Variants in SLC2A9 observed in about 807,000 individuals in gnomAD.
SLC2A9 encodes the protein solute carrier family 2 member 9.
In SLC2A9, 39 loss-of-function variants were observed where a neutral mutation model predicts 50.6. The observed-to-expected ratio is 0.77, with a 90% CI of 0.60 to 1.01. SLC2A9 has a LOEUF of 1.01. Ranked by LOEUF, SLC2A9 falls within the 50% of genes least tolerant of loss-of-function variation. SLC2A9 has a pLI of 0.00. For synonymous variants in SLC2A9, 324 were observed against 276.9 expected (o/e 1.17, Z -1.69); for missense variants, 686 against 677.6 (o/e 1.01, Z -0.14).
At chr4:9,945,405 G>C (rs1463920928) in intron 5 of SLC2A9, among the ~76,000 whole-genome samples, 2 of 152,222 alleles carry the variant, frequency 1.3e-5, no homozygotes, top group Non-Finnish European at 2.9e-5. Context: ...CAACAGGAAA[G>C]AGTGGCTTTT....
chr4:9,794,557 C>A (rs564129873), downstream of SLC2A9, among the ~76,000 whole-genome samples: 9 of 152,358 alleles, frequency 5.9e-5, no homozygotes, highest in African/African-American at 2.2e-4. Flanking sequence ...CAGGGTCACA[C>A]AGCTAAGAAG....
intron 2 of SLC2A9, among the ~76,000 whole-genome samples, chr4:10,016,869 A>G (rs941449017): frequency 6.6e-6 from 1 of 151,174 alleles, no homozygotes. Context: ...CTAAAATCCT[A>G]CTCCTCAGCC....
chr4:9,785,835 C>T (rs753620622), intron 3 of SLC2A9, among the ~76,000 whole-genome samples: 1 of 152,132 alleles, frequency 6.6e-6, no homozygotes, highest in Non-Finnish European at 1.5e-5. Context: ...CTGTACTGAC[C>T]AGGATAGATA....
chr4:9,919,030 G>T (rs1306345536), intron 7 of SLC2A9, among the ~76,000 whole-genome samples: 1 of 152,186 alleles, frequency 6.6e-6, no homozygotes, highest in African/African-American at 2.4e-5. Flanking sequence ...TCCCTGTGGA[G>T]AATTGAATTC....
chr4:9,932,232 T>C (rs1250828794), intron 6 of SLC2A9, among the ~76,000 whole-genome samples: 1 of 151,902 alleles, frequency 6.6e-6, no homozygotes, highest in Non-Finnish European at 1.5e-5. Flanking sequence ...CCTCCAAGAA[T>C]GTACTACAGA....
At chr4:9,781,251 A>G (rs1718315810) in intron 3 of SLC2A9, among the ~76,000 whole-genome samples, 1 of 152,216 alleles carries the variant, frequency 6.6e-6, no homozygotes, top group Non-Finnish European at 1.5e-5. Context: ...AAAGTCGCAG[A>G]GCCAGGAATA....
At chr4:10,001,269 G>A (rs759411318) in intron 2 of SLC2A9, among the ~76,000 whole-genome samples, 17 of 152,110 alleles carry the variant, frequency 1.1e-4, no homozygotes, top group Admixed American at 3.9e-4. Flanking sequence ...TTAAAATGAG[G>A]TCACTAGAGT....
intron 8 of SLC2A9, among the ~76,000 whole-genome samples, chr4:9,904,278 G>A (rs1227226978): frequency 6.6e-6 from 1 of 152,180 alleles, no homozygotes; most frequent in Non-Finnish European, 1.5e-5. Context: ...TGCAGGGCTG[G>A]TTCCTTCTGG....
chr4:9,920,951 A>G (rs970767954), intron 6 of SLC2A9, among the ~76,000 whole-genome samples: 2 of 152,168 alleles, frequency 1.3e-5, no homozygotes, highest in African/African-American at 4.8e-5. Context: ...TAATTGCATG[A>G]TATCATATAC....
chr4:9,855,336 A>T (rs998699647), intron 10 of SLC2A9, among the ~76,000 whole-genome samples: 17 of 152,202 alleles, frequency 1.1e-4, no homozygotes, highest in African/African-American at 3.9e-4. Context: ...TGAGCACAAG[A>T]TCAAGAATTC....
intron 2 of SLC2A9, among the ~76,000 whole-genome samples, chr4:10,003,565 T>C (rs902416455): frequency 2.6e-5 from 4 of 152,192 alleles, no homozygotes; most frequent in African/African-American, 7.2e-5. Flanking sequence ...CCGAAAGCTG[T>C]TTGCCCCAAT....
At chr4:9,928,600 G>T (rs1745330004) in intron 6 of SLC2A9, among the ~76,000 whole-genome samples, 1 of 152,176 alleles carries the variant, frequency 6.6e-6, no homozygotes, top group African/African-American at 2.4e-5. Context: ...TGGGCGTGGT[G>T]GCGGGTGCCT....
intron 1 of SLC2A9, among the ~76,000 whole-genome samples, chr4:10,038,584 A>G (rs1322915178): frequency 1.3e-5 from 2 of 151,818 alleles, no homozygotes; most frequent in African/African-American, 2.4e-5. Flanking sequence ...GTGTTCCTCT[A>G]TCACTTGGAT....
At chr4:9,897,306 T>C (rs1429423072) in intron 8 of SLC2A9, among the ~76,000 whole-genome samples, 2 of 152,160 alleles carry the variant, frequency 1.3e-5, no homozygotes, top group Non-Finnish European at 2.9e-5. Context: ...CCAACAGCAC[T>C]GGCACTGGGG....
At chr4:9,877,460 C>G (rs1038594920) in intron 10 of SLC2A9, among the ~76,000 whole-genome samples, 1 of 152,222 alleles carries the variant, frequency 6.6e-6, no homozygotes, top group Non-Finnish European at 1.5e-5. Flanking sequence ...CTTTTGAGAT[C>G]ATGGATTCAA....
downstream of SLC2A9, chr4:9,826,160 T>A: frequency 1.9e-6 from 1 of 536,178 alleles, no homozygotes; most frequent in Non-Finnish European, 3.3e-6. Flanking sequence ...ATAGAGTGAT[T>A]CCTTGCAGCT....
chr4:9,953,219 G>A lies in SLC2A9; in HGVS notation c.682-11174C>T, dbSNP rs181357605. Reference sequence around the variant, plus strand: ...TGTTTTCCAAATACCCACTGAACCCGCTATGCCTCTTGGCCATGGGTAGGA... The same window carrying A: ...TGTTTTCCAAATACCCACTGAACCCACTATGCCTCTTGGCCATGGGTAGGA... On this transcript the variant is annotated intron_variant, in intron 5 of 11. Coordinates refer to ENST00000264784, the MANE Select transcript of SLC2A9 (RefSeq NM_020041.3). 5.3e-5 allele frequency among the ~76,000 whole-genome samples: 8 copies of A among 152,114 alleles called. No individual in the cohort carries two copies. In the East Asian group the frequency reaches 9.6e-4, roughly 18 times the overall value.
chr4:9,834,819 C>A, intron 11 of SLC2A9, 62 bp downstream of exon 11: 1 of 1,610,738 alleles, frequency 6.2e-7, no homozygotes, highest in South Asian at 1.1e-5. Context: ...CTATGAATCA[C>A]CCCTCAAGTG....
At chr4:9,939,410 G>A (rs962416011) in intron 6 of SLC2A9, among the ~76,000 whole-genome samples, 5 of 152,166 alleles carry the variant, frequency 3.3e-5, no homozygotes, top group African/African-American at 1.2e-4. Flanking sequence ...CTAACACAGG[G>A]CCTCTTTTCC....
Sources: allele counts gnomAD v4.1 joint callset (sites outside exome capture counted in the v4.1 genomes callset), GRCh38; gene constraint gnomAD v4.1.1; transcripts MANE v1.5; gene names NCBI Gene and HGNC (gene_info 2026-07-23, HGNC 2026-07-21).